The following CALN1 variants were observed in gnomAD, a reference collection of about 807,000 sequenced individuals.
CALN1 encodes calneuron 1.
A neutral mutation model predicts 30.6 loss-of-function variants in CALN1; 17 were observed. That is an observed-to-expected ratio of 0.56 (90% confidence interval 0.38 to 0.83). The LOEUF (loss-of-function observed/expected upper bound fraction) is 0.83, where lower values mean the gene tolerates loss of function less well. Among genes scored for constraint, CALN1 ranks in the 40% least tolerant of loss-of-function variants. The pLI, the probability that CALN1 is intolerant of heterozygous loss-of-function variation, is 0.00. For synonymous variants in CALN1, 156 were observed against 131.4 expected, an observed-to-expected ratio of 1.19 and a Z score of -1.28; for missense variants, 291 against 354.9, an observed-to-expected ratio of 0.82 and a Z score of 1.45.
At chr7:72,299,433 ATATT>A (rs1290929422) in intron 2 of CALN1, among the ~76,000 whole-genome samples, 1 of 117,082 alleles carries the variant, frequency 8.5e-6, no homozygotes, top group Non-Finnish European at 1.8e-5. Context: ...ATACATGTAA[ATATT>A]TAACTCATCT....
At chr7:71,995,161 A>C (rs557995726) in intron 5 of CALN1, among the ~76,000 whole-genome samples, 1 of 152,092 alleles carries the variant, frequency 6.6e-6, no homozygotes, top group South Asian at 2.1e-4. Context: ...GCCCCTTCCT[A>C]ATTTTTTATT....
At chr7:72,059,395 C>T (rs368930897) in intron 4 of CALN1, among the ~76,000 whole-genome samples, 100 of 152,212 alleles carry the variant, frequency 6.6e-4, no homozygotes, top group African/African-American at 2.0e-3. Flanking sequence ...CAGATTGAAG[C>T]AAACCCTGAC....
At chr7:72,401,242 G>A (rs1051571274) in intron 2 of CALN1, among the ~76,000 whole-genome samples, 7 of 151,714 alleles carry the variant, frequency 4.6e-5, no homozygotes, top group Non-Finnish European at 1.0e-4. Flanking sequence ...AATGCACTCT[G>A]AGAGATAACA....
intron 2 of CALN1, among the ~76,000 whole-genome samples, chr7:72,357,822 ATATATTTT>A (rs1041442111): frequency 1.4e-5 from 2 of 146,942 alleles, no homozygotes; most frequent in African/African-American, 2.5e-5. Context: ...ATATATTTAT[ATATATTTT>A]TATATATTTA....
intron 5 of CALN1, among the ~76,000 whole-genome samples, chr7:71,974,430 A>C (rs1387460003): frequency 1.5e-5 from 2 of 135,922 alleles, no homozygotes; most frequent in African/African-American, 3.4e-5. Flanking sequence ...AAAAAAAAAA[A>C]AAAAAAAAAA....
chr7:71,810,041 G>A (rs766980370), intron 6 of CALN1, among the ~76,000 whole-genome samples: 6 of 152,148 alleles, frequency 3.9e-5, no homozygotes, highest in Non-Finnish European at 8.8e-5. Flanking sequence ...ACCAAGAGAA[G>A]GCAAACAGCA....
chr7:72,495,848 T>G, the CALN1 span, among the ~76,000 whole-genome samples: 3 of 152,236 alleles, frequency 2.0e-5, no homozygotes, highest in African/African-American at 7.2e-5. Context: ...TTAAAATTGC[T>G]TCTATAGATT....
intron 6 of CALN1, among the ~76,000 whole-genome samples, chr7:71,798,813 A>C (rs1787124942): frequency 6.6e-6 from 1 of 150,550 alleles, no homozygotes. Context: ...TTTAGTAGAG[A>C]TGGGGTTTCA....
chr7:72,157,029 G>A (rs116790523), intron 3 of CALN1, among the ~76,000 whole-genome samples: 2,922 of 152,218 alleles, frequency 0.019, 96 homozygotes, highest in African/African-American at 0.066. Context: ...TGACATAAAC[G>A]CCAGTCAAAT....
intron 4 of CALN1, among the ~76,000 whole-genome samples, chr7:72,050,188 T>A (rs1161879348): frequency 2.0e-5 from 3 of 152,166 alleles, no homozygotes; most frequent in African/African-American, 7.2e-5. Context: ...AGGTGACCTC[T>A]GTAAGATTAT....
At chr7:71,840,800 C>T (rs1789894963) in intron 5 of CALN1, among the ~76,000 whole-genome samples, 1 of 152,012 alleles carries the variant, frequency 6.6e-6, no homozygotes, top group South Asian at 2.1e-4. Flanking sequence ...TAAATGGTAG[C>T]CTTCGTTAGC....
At chr7:71,967,864 A>G (rs1726633933) in intron 5 of CALN1, among the ~76,000 whole-genome samples, 4 of 152,190 alleles carry the variant, frequency 2.6e-5, no homozygotes, top group Non-Finnish European at 5.9e-5. Context: ...TTAAAAGCGA[A>G]CAAAAGAAGC....
intron 5 of CALN1, among the ~76,000 whole-genome samples, chr7:72,008,357 T>A (rs1268430466): frequency 6.8e-6 from 1 of 146,930 alleles, no homozygotes; most frequent in Non-Finnish European, 1.5e-5. Flanking sequence ...ACAATACATA[T>A]AAAAATCTCC....
At chr7:72,407,122 T>C (rs1319478044) in intron 1 of CALN1, among the ~76,000 whole-genome samples, 1 of 152,124 alleles carries the variant, frequency 6.6e-6, no homozygotes, top group Non-Finnish European at 1.5e-5. Context: ...CAGAGAATGG[T>C]GAAGTAATAT....
chr7:72,407,514 CTT>C (rs1212887918), intron 1 of CALN1, among the ~76,000 whole-genome samples: 1 of 152,164 alleles, frequency 6.6e-6, no homozygotes, highest in Admixed American at 6.5e-5. Context: ...GTGCAAACAA[CTT>C]TGCTGCTTCC....
At chr7:72,210,021 G>A (rs145580066) in intron 3 of CALN1, among the ~76,000 whole-genome samples, 16 of 152,238 alleles carry the variant, frequency 1.1e-4, no homozygotes, top group African/African-American at 3.1e-4. Context: ...CGAAGCCCTC[G>A]TTTCTGACGG....
At chr7:72,216,625 C>T (rs894355045) in intron 3 of CALN1, among the ~76,000 whole-genome samples, 1 of 152,078 alleles carries the variant, frequency 6.6e-6, no homozygotes, top group Admixed American at 6.6e-5. Flanking sequence ...CCTGCCTTCT[C>T]ACTCCTGAGT....
At chr7:72,426,402 A>G (rs933111994) in intron 1 of CALN1, among the ~76,000 whole-genome samples, 6 of 152,234 alleles carry the variant, frequency 3.9e-5, no homozygotes, top group Non-Finnish European at 7.3e-5. Context: ...AGTTCTCACA[A>G]GATCTGATGG....
chr7:72,420,333 G>C (rs1021784461), intron 1 of CALN1, among the ~76,000 whole-genome samples: 2 of 152,034 alleles, frequency 1.3e-5, no homozygotes, highest in Non-Finnish European at 2.9e-5. Flanking sequence ...TACATGACCT[G>C]GCTCTAAACC....
Sources: allele counts gnomAD v4.1 joint callset (sites outside exome capture counted in the v4.1 genomes callset), GRCh38; gene constraint gnomAD v4.1.1; transcripts MANE v1.5; gene names NCBI Gene and HGNC (gene_info 2026-07-23, HGNC 2026-07-21).